The following TTN variants were observed in gnomAD, a reference collection of about 807,000 sequenced individuals.
TTN encodes titin.
Under a neutral mutation model 3,223.0 loss-of-function variants are expected in TTN, and 1,525 were observed. The observed-to-expected ratio is 0.47, with a 90% CI of 0.45 to 0.49. The LOEUF (loss-of-function observed/expected upper bound fraction) is 0.49. Ranked by LOEUF, TTN falls within the 20% of genes least tolerant of loss-of-function variation. TTN has a pLI of 0.00. For synonymous variants in TTN, 14,094 were observed against 15,161.0 expected, an observed-to-expected ratio of 0.93 and a Z score of 5.17; for missense variants, 40,786 against 43,424.0, an observed-to-expected ratio of 0.94 and a Z score of 5.40.
At chr2:178,535,883 T>A in intron 357 of TTN, 34 bp from the exon 358 acceptor site, 4 of 1,507,948 alleles carry the variant, frequency 2.7e-6, no homozygotes, top group Non-Finnish European at 3.5e-6. Context: ...AGAATATAAT[T>A]TAGCAACATC....
In TTN at chr2:178,569,608, T is replaced by G; in HGVS notation, c.76524A>C (p.Pro25508=). Residue 25508 remains proline (P), a synonymous_variant, in exon 326 of 363, where the codon CCA becomes CCC. Transcript: ENST00000589042. ...TTAGTTCTAGGTCAAGATCAATGTC[T>G]GGTGCTTCTAATTTTTCTTCAACTA... The part of the protein sequence containing the change: ...PIIVEEKLEA[P]DIDLDLELRK... The G allele has an allele frequency of 6.2e-7, 1 of 1,612,294 alleles. No homozygotes were observed. The highest frequency in any genetic ancestry group is 8.5e-7 in the Non-Finnish European group (1 of 1,179,140).
rs1433448268 is a variant in TTN, at chr2:178,619,836, C to A, written c.46481G>T (p.Gly15494Val). 6.2e-7 allele frequency: 1 copy of A among 1,612,046 alleles called. No individual in the cohort carries two copies. Among genetic ancestry groups the A allele is most frequent in the Non-Finnish European group, 8.5e-7 (1 of 1,178,890 alleles). Residue 15494 changes from glycine (G) to valine (V), a missense_variant, in exon 250 of 363, where the codon GGT becomes GTT. Coordinates refer to ENST00000589042, the MANE Select transcript of TTN (RefSeq NM_001267550.2). ...TTCTGCTAAAAAGACAACATCAGCA[C>A]CAGGGGCTTCAAGAATATCTTGTGG... The part of the protein sequence containing the change: ...RPPQDILEAP[G>V]ADVVFLAELN...
chr2:178,725,411 A>G lies in TTN; in HGVS notation c.20793T>C (p.Asn6931=). The part of the protein sequence containing the change: ...NAGKYICQIK[N]DGGMRENMAT... ...CCATGTTCTCCCTCATTCCACCATC[A>G]TTCTTGATTTGGCAGATATACTTTC... Residue 6931 remains asparagine, a synonymous_variant, in exon 71 of 363, where the codon AAT becomes AAC. Transcript: ENST00000589042. 1 of 1,606,072 alleles carries G rather than the reference A, an allele frequency of 6.2e-7. No homozygotes were observed. Among genetic ancestry groups the G allele is most frequent in the Non-Finnish European group, 8.5e-7 (1 of 1,175,426 alleles).
intron 12 of TTN, 53 bp from the exon 13 acceptor site, chr2:178,789,550 A>G (rs929977234): frequency 4.4e-6 from 7 of 1,608,726 alleles, no homozygotes; most frequent in African/African-American, 4.0e-5. Context: ...TCAAACACAC[A>G]TAGTATGACC....
rs746665837 is a variant in TTN, at chr2:178,535,289, G to C, written c.101326C>G (p.Pro33776Ala). 5.6e-6 allele frequency: 9 copies of C among 1,613,734 alleles called. No homozygotes were observed. The highest frequency in any genetic ancestry group is 6.8e-6 in the Non-Finnish European group (8 of 1,179,858). ...NKFGLSKPSE[P>A]SEPTITKEDK... ...TCTTTGGTTATGGTTGGTTCTGAAG[G>C]CTCTGAAGGCTTGCTCAGACCAAAT... The change falls in exon 358 of 363, where the codon CCT (proline) becomes GCT (alanine). Residue 33776 changes from proline (P) to alanine (A), a missense_variant. By Grantham distance (27) the Pro-to-Ala change is conservative (BLOSUM62 -1). Coordinates refer to ENST00000589042, the MANE Select transcript of TTN (RefSeq NM_001267550.2).
rs1297716279 is a variant in TTN, at chr2:178,705,258, G to A, written c.29520C>T (p.Arg9840=). Residue 9840 remains arginine, a synonymous_variant, in exon 103 of 363, where the codon CGC becomes CGT. Coordinates refer to ENST00000589042, the MANE Select transcript of TTN (RefSeq NM_001267550.2). ...CTCGGAAGTCAGTGATTCCATACAT[G>A]CGGGCATATTTTTCATATTCTTTAG... ...VDPKEYEKYA[R]MYGITDFRGL... 39 of 1,613,502 alleles carry A rather than the reference G, an allele frequency of 2.4e-5. 1 individual carries two copies. The Middle Eastern group carries it at 6.6e-4, about 27-fold the overall frequency.
rs1689133557 is a variant in TTN at position 178,531,590 on chromosome 2, T to C, written c.105025A>G (p.Ser35009Gly). The change falls in exon 358 of 363, where the codon AGT becomes GGT. Residue 35009 changes from serine (S) to glycine (G), a missense_variant. Transcript: ENST00000589042. ...LEILDCHTDD[S>G]GTYRAVCTNY... is the part of the protein sequence containing the mutation. ...GTGCACACAGCACGGTAGGTTCCAC[T>C]GTCATCAGTATGACAGTCCAGAATT... 1.2e-6 allele frequency: 2 copies of C among 1,613,890 alleles called. No individual in the cohort carries two copies. The highest frequency in any genetic ancestry group is 3.3e-5 in the Admixed American group (2 of 60,002).
chr2:178,568,830 G>C lies in TTN; in HGVS notation c.77302C>G (p.Leu25768Val), dbSNP rs541266544. The C allele has an allele frequency of 2.5e-6, 4 of 1,613,174 alleles. No homozygotes were observed. The highest frequency in any genetic ancestry group is 2.2e-5 in the East Asian group (1 of 44,788). The stretch of plus-strand genomic sequence containing the variant: ...TCATTTACAGCAACAACTCTAAAAA[G>C]ATATTCTTCCCCTTGAGTTAGGTTG... ...ITNLTQGEEY[L>V]FRVVAVNEKG... The change falls in exon 326 of 363, where the codon CTT becomes GTT. Residue 25768 changes from leucine to valine, a missense_variant. Coordinates refer to ENST00000589042, the MANE Select transcript of TTN (RefSeq NM_001267550.2).
At chr2:178,713,464 G>C in intron 92 of TTN, 92 bp from the exon 93 acceptor site, 3 of 1,439,764 alleles carry the variant, frequency 2.1e-6, no homozygotes, top group South Asian at 1.6e-5. Flanking sequence ...CTGTCTTTTT[G>C]ATGGACTATC....
Position 178,649,842 on chromosome 2 carries a change from T to G in TTN, c.39870A>C (p.Lys13290Asn), listed in dbSNP as rs779002233. 6.2e-7 allele frequency: 1 copy of G among 1,612,642 alleles called. No homozygotes were observed. Among genetic ancestry groups the G allele is most frequent in the South Asian group, 1.1e-5 (1 of 90,628 alleles). ...CTTTAGGAGGCGGTGCTTCTGGTTT[T>G]TTGATGACAGGAACTTTCTTCTCTG... ...IIPEKKVPVIKKPEAPPPKEP... is the reference protein window; with the variant it reads ...IIPEKKVPVINKPEAPPPKEP... The change falls in exon 211 of 363, where the codon AAA becomes AAC. Residue 13290 changes from lysine to asparagine, a missense_variant. By Grantham distance (94) the Lys-to-Asn change is moderately conservative. Coordinates refer to ENST00000589042, the MANE Select transcript of TTN (RefSeq NM_001267550.2).
intron 69 of TTN, 56 bp from the exon 70 acceptor site, chr2:178,726,102 A>T: frequency 1.3e-6 from 2 of 1,486,354 alleles, no homozygotes; most frequent in Non-Finnish European, 8.9e-7. Flanking sequence ...CAAAATGAAA[A>T]TTTTTTATTT....
rs1439068447 is a variant in TTN, at chr2:178,636,031, G to A, written c.41540C>T (p.Ala13847Val). 17 of 1,612,966 alleles carry A rather than the reference G, an allele frequency of 1.1e-5. No homozygotes were observed. Among genetic ancestry groups the A allele is most frequent in the Non-Finnish European group, 1.4e-5 (17 of 1,179,370 alleles). ...LTINDADDTD[A>V]GTYTVTVENA... is the part of the protein sequence containing the mutation. The stretch of plus-strand genomic sequence containing the variant: ...TTCCACAGTAACTGTGTATGTTCCA[G>A]CATCTGTGTCATCTGCATCGTTGAT... Residue 13847 changes from alanine to valine, a missense_variant, in exon 226 of 363, where the codon GCT (alanine) becomes GTT (valine). By Grantham distance (64) the Ala-to-Val change is moderately conservative (BLOSUM62 0). Transcript: ENST00000589042. This position sits in a 1 kb window ranked among gnomAD's most constrained non-coding sequence, Gnocchi z 4.3.
Position 178,682,692 on chromosome 2 carries a change from C to T in TTN, c.33094+5G>A. 2 of 1,606,126 alleles carry T rather than the reference C, an allele frequency of 1.2e-6. No homozygotes were observed. Among genetic ancestry groups the T allele is most frequent in the Non-Finnish European group, 1.7e-6 (2 of 1,177,206 alleles). On this transcript the variant is annotated splice_donor_5th_base_variant and intron_variant, in intron 135 of 362. Coordinates refer to ENST00000589042, the MANE Select transcript of TTN (RefSeq NM_001267550.2). ...GTGGTTTTGAGTTTGCAGTTTTGCT[C>T]ATACCTGTGATGTATTCTTCATGCT...
chr2:178,538,625 C>T lies in TTN; in HGVS notation c.99204G>A (p.Glu33068=). 6.2e-7 allele frequency: 1 copy of T among 1,613,736 alleles called. No homozygotes were observed. Residue 33068 remains glutamate (E), a synonymous_variant, in exon 354 of 363, where the codon GAG becomes GAA. Transcript: ENST00000589042. ...FTIGGLLEAT[E]YEFRVFAENE... ...TCTCAGCAAAAACCCTGAATTCATA[C>T]TCAGTAGCTTCCAGCAAACCTCCTA... is the stretch of plus-strand genomic sequence containing the variant.
At position 178,799,648 on chromosome 2, in the gene TTN, A is replaced by T; in HGVS notation, c.753T>A (p.His251Gln). ...IDGAAGQQLPHKTPPRIPPKP... is the reference protein window; with the variant it reads ...IDGAAGQQLPQKTPPRIPPKP... ...TCGGAGGAATCCTGGGAGGTGTTTT[A>T]TGTGGCAGCTGTTGCCCAGCGGCAC... The change falls in exon 6 of 363, where the codon CAT becomes CAA. Residue 251 changes from histidine to glutamine, a missense_variant. Physicochemically the swap from His to Gln is conservative, Grantham distance 24. Transcript: ENST00000589042. The T allele has an allele frequency of 6.2e-7, 1 of 1,614,112 alleles. No homozygotes were observed. The highest frequency in any genetic ancestry group is 8.5e-7 in the Non-Finnish European group (1 of 1,180,010).
Position 178,565,068 on chromosome 2 carries a change from T to C in TTN, c.81064A>G (p.Met27022Val), listed in dbSNP as rs1300719921. ...GTTCTTGCAACTGTTGCTGATACCA[T>C]GTGCCAAGTGGTGGTGGTTGTATCT... ...KRDTTTTTWH[M>V]VSATVARTTI... is the part of the protein sequence containing the mutation. Residue 27022 changes from methionine to valine, a missense_variant, in exon 326 of 363, where the codon ATG becomes GTG. Transcript: ENST00000589042. The C allele has an allele frequency of 4.3e-6, 7 of 1,613,566 alleles. No homozygotes were observed. Among genetic ancestry groups the C allele is most frequent in the African/African-American group, 1.3e-5 (1 of 74,918 alleles).
rs1157789199 is a variant in TTN, at chr2:178,619,519, G to C, written c.46696+102C>G. ...GTTAACATGTGGGTAGGGCTTGCTAGAAATGAAAGACCCTCACAAGGATTA... is the reference window on the plus strand; with the variant it reads ...GTTAACATGTGGGTAGGGCTTGCTACAAATGAAAGACCCTCACAAGGATTA... On this transcript the variant is annotated intron_variant, in intron 250 of 362. Transcript: ENST00000589042. 2.8e-6 allele frequency: 4 copies of C among 1,451,176 alleles called. No homozygotes were observed. In the East Asian group the frequency reaches 6.9e-5, roughly 25 times the overall value. 89.9% of individuals were successfully genotyped at this position (1,451,176 alleles called of 1,614,324 possible).
At chr2:178,791,987 A>T in intron 10 of TTN, 85 bp downstream of exon 10, 2 of 1,432,668 alleles carry the variant, frequency 1.4e-6, no homozygotes, top group Non-Finnish European at 1.9e-6. Flanking sequence ...TTCTCCATTT[A>T]AGGGTTTTGA....
intron 2 of TTN, among the ~76,000 whole-genome samples, chr2:178,803,659 A>G (rs2094174261): frequency 6.6e-6 from 1 of 152,018 alleles, no homozygotes; most frequent in South Asian, 2.1e-4. Flanking sequence ...TTAAAAAAGA[A>G]GTGGGCAATG....
Sources: allele counts gnomAD v4.1 joint callset (sites outside exome capture counted in the v4.1 genomes callset), GRCh38; gene constraint gnomAD v4.1.1; non-coding constraint Gnocchi (gnomAD v3.1); transcripts MANE v1.5; gene names NCBI Gene and HGNC (gene_info 2026-07-23, HGNC 2026-07-21).